TSGA10: variants seen among roughly 807,000 people sequenced by gnomAD.
TSGA10 encodes the protein testis specific 10.
Under a neutral mutation model 96.6 loss-of-function variants are expected in TSGA10, and 43 were observed. The ratio of observed to expected loss-of-function variants is 0.44; its 90% confidence interval spans 0.35 to 0.57. The LOEUF (loss-of-function observed/expected upper bound fraction) is 0.57, where lower values mean the gene tolerates loss of function less well. TSGA10 is among the 20% of genes least tolerant of loss of function. The pLI is 0.01. For missense variants in TSGA10, 703 were observed against 834.4 expected, an observed-to-expected ratio of 0.84 and a Z score of 1.94; for synonymous variants, 229 against 269.9, an observed-to-expected ratio of 0.85 and a Z score of 1.48.
chr2:99,046,231 C>T (rs2082762212), intron 16 of TSGA10, among the ~76,000 whole-genome samples: 1 of 152,210 alleles, frequency 6.6e-6, no homozygotes, highest in Non-Finnish European at 1.5e-5. Flanking sequence ...ACCTAATAGA[C>T]ATCTACAGAA....
intron 11 of TSGA10, among the ~76,000 whole-genome samples, chr2:99,079,671 T>C (rs773450497): frequency 6.6e-6 from 1 of 152,224 alleles, no homozygotes; most frequent in Non-Finnish European, 1.5e-5. Context: ...GCTCTGGTTC[T>C]AGCCTACTTC....
chr2:99,074,008 T>A (rs2086320208), intron 12 of TSGA10, among the ~76,000 whole-genome samples: 1 of 103,480 alleles, frequency 9.7e-6, no homozygotes. Context: ...TTCTTTTTTT[T>A]TTTTTTTTTT....
At chr2:99,008,377 A>T (rs2078688513) in intron 20 of TSGA10, among the ~76,000 whole-genome samples, 1 of 152,248 alleles carries the variant, frequency 6.6e-6, no homozygotes, top group Non-Finnish European at 1.5e-5. Flanking sequence ...AAAATAGACG[A>T]AGAAATGAAT....
chr2:99,044,136 C>G (rs1343126350), intron 16 of TSGA10, among the ~76,000 whole-genome samples: 2 of 152,086 alleles, frequency 1.3e-5, no homozygotes, highest in Non-Finnish European at 2.9e-5. Context: ...GGCAAAATAA[C>G]CAGGTAGCAT....
chr2:99,038,043 T>C (rs2081814472), intron 16 of TSGA10, among the ~76,000 whole-genome samples: 2 of 151,324 alleles, frequency 1.3e-5, no homozygotes, highest in Admixed American at 6.6e-5. Flanking sequence ...CAAGATTTTG[T>C]CTCCAGTGAA....
At chr2:99,031,758 T>C (rs1335083639) in intron 17 of TSGA10, among the ~76,000 whole-genome samples, 1 of 152,194 alleles carries the variant, frequency 6.6e-6, no homozygotes, top group Non-Finnish European at 1.5e-5. Context: ...CTCGCATTAC[T>C]GTCTGAACTC....
At position 99,070,138 on chromosome 2, in the gene TSGA10, A is replaced by T. The variant is rs372584557; in HGVS notation, c.1108-1140T>A. Among the ~76,000 whole-genome samples, 18 of 152,296 alleles carry T rather than the reference A, an allele frequency of 1.2e-4. No individual in the cohort carries two copies. In the East Asian group the frequency reaches 3.3e-3, roughly 28 times the overall value. ...TTGTTATGACAACAGTTTTCTTCTG[A>T]TTATAAAAAATGTTTACAAAGTTTG... On this transcript the variant is annotated intron_variant, in intron 14 of 20. Coordinates refer to ENST00000393483, the MANE Select transcript of TSGA10 (RefSeq NM_025244.4).
At chr2:99,050,303 T>C (rs1052835028) in intron 16 of TSGA10, among the ~76,000 whole-genome samples, 1 of 152,144 alleles carries the variant, frequency 6.6e-6, no homozygotes, top group Non-Finnish European at 1.5e-5. Context: ...AAATCCAAAA[T>C]ACTCCAAAAT....
At chr2:99,127,006 C>A in intron 2 of TSGA10, 42 bp downstream of exon 2, 1 of 1,279,754 alleles carries the variant, frequency 7.8e-7, no homozygotes, top group Non-Finnish European at 1.0e-6. Flanking sequence ...TAGGCTCCCA[C>A]CCCAAATTAA....
intron 7 of TSGA10, among the ~76,000 whole-genome samples, chr2:99,107,530 C>A (rs1192734142): frequency 1.3e-5 from 2 of 152,112 alleles, no homozygotes; most frequent in East Asian, 3.8e-4. Flanking sequence ...ACAGCCTGTA[C>A]CATTTAGTCC....
At chr2:99,002,065 G>A (rs183772411) in intron 20 of TSGA10, among the ~76,000 whole-genome samples, 2 of 152,260 alleles carry the variant, frequency 1.3e-5, no homozygotes, top group Admixed American at 6.5e-5. Context: ...ACACTCTGCG[G>A]GATATTATCC....
At chr2:99,137,549 A>C (rs567876978) in intron 1 of TSGA10, among the ~76,000 whole-genome samples, 1 of 147,372 alleles carries the variant, frequency 6.8e-6, no homozygotes, top group South Asian at 2.2e-4. Context: ...GGATCATCTT[A>C]TTATAATTTT....
intron 4 of TSGA10, among the ~76,000 whole-genome samples, chr2:99,114,703 A>G (rs1419810551): frequency 1.3e-5 from 2 of 152,156 alleles, no homozygotes; most frequent in Non-Finnish European, 2.9e-5. Flanking sequence ...GATGTTTTCC[A>G]TTCCAAAAAT....
chr2:99,137,030 G>A (rs2093356366), intron 1 of TSGA10, among the ~76,000 whole-genome samples: 1 of 137,050 alleles, frequency 7.3e-6, no homozygotes, highest in African/African-American at 2.7e-5. Flanking sequence ...AGACAGTCGT[G>A]CTCTGTCACC....
chr2:99,096,376 A>G (rs2090038933), intron 10 of TSGA10, among the ~76,000 whole-genome samples: 1 of 152,192 alleles, frequency 6.6e-6, no homozygotes, highest in Non-Finnish European at 1.5e-5. Context: ...GGCATGAAAC[A>G]TCTCGGAGAG....
intron 10 of TSGA10, among the ~76,000 whole-genome samples, chr2:99,087,066 T>C (rs936140425): frequency 6.6e-6 from 1 of 151,930 alleles, no homozygotes; most frequent in Non-Finnish European, 1.5e-5. Flanking sequence ...TAGCCACGTG[T>C]GGTGGTGGGC....
chr2:99,063,248 TA>T (rs1418642658), intron 16 of TSGA10, among the ~76,000 whole-genome samples: 2 of 152,238 alleles, frequency 1.3e-5, no homozygotes, highest in African/African-American at 4.8e-5. Flanking sequence ...AAATTTCACA[TA>T]CTTTCAAACA....
chr2:99,032,595 T>C (rs780983570), intron 17 of TSGA10, among the ~76,000 whole-genome samples: 35 of 152,206 alleles, frequency 2.3e-4, no homozygotes, highest in Admixed American at 7.2e-4. Context: ...GAAGCAATTA[T>C]TAAAGGCCAC....
At chr2:99,096,312 T>A (rs1229541029) in intron 10 of TSGA10, among the ~76,000 whole-genome samples, 1 of 152,238 alleles carries the variant, frequency 6.6e-6, no homozygotes, top group East Asian at 1.9e-4. Context: ...CAAGTTGTTA[T>A]ACACCTTTCT....
Sources: gnomAD v4.1 joint callset for allele counts (sites outside exome capture counted in the v4.1 genomes callset) on GRCh38, gnomAD v4.1.1 for gene constraint, MANE v1.5 for transcripts, NCBI Gene and HGNC (gene_info 2026-07-23, HGNC 2026-07-21) for gene names.